FAM118A: variants seen among roughly 807,000 people sequenced by gnomAD.
FAM118A encodes SIR2 antiphage like 2.
FAM118A carries 25 observed loss-of-function variants against 38.2 expected under a neutral mutation model. The ratio of observed to expected loss-of-function variants is 0.65; its 90% CI spans 0.48 to 0.91. FAM118A has a LOEUF of 0.91. Among genes scored for constraint, FAM118A ranks in the 40% least tolerant of loss-of-function variants. The pLI, the probability that FAM118A is intolerant of heterozygous loss-of-function variation, is 0.00. For missense variants in FAM118A, 425 were observed against 463.3 expected, an observed-to-expected ratio of 0.92 and a Z score of 0.76; for synonymous variants, 178 against 184.1, an observed-to-expected ratio of 0.97 and a Z score of 0.27.
At chr22:45,315,822 C>T (rs916500763) in intron 1 of FAM118A, among the ~76,000 whole-genome samples, 2 of 152,080 alleles carry the variant, frequency 1.3e-5, no homozygotes, top group Admixed American at 6.6e-5. Flanking sequence ...GCACCTTAGT[C>T]CTAATGCTGC....
Position 45,340,677 on chromosome 22 carries a change from G to T in FAM118A, c.*272G>T. The T allele has an allele frequency of 1.9e-6, 1 of 523,014 alleles. No individual in the cohort carries two copies. Among genetic ancestry groups the T allele is most frequent in the Non-Finnish European group, 3.4e-6 (1 of 296,450 alleles). The allele number at this position is 523,014 out of a possible 1,614,324, so 32.4% of individuals were successfully genotyped here. Reference sequence around the variant, plus strand: ...TCAGGGACCAGAATCCGTGGGAAGGGATGGACCTGGTGTTCCCGTTCCCAT... The same window carrying T: ...TCAGGGACCAGAATCCGTGGGAAGGTATGGACCTGGTGTTCCCGTTCCCAT... On this transcript the variant is annotated 3_prime_UTR_variant, in exon 9 of 9. Coordinates refer to ENST00000441876, the MANE Select transcript of FAM118A (RefSeq NM_017911.4).
intron 5 of FAM118A, 75 bp downstream of exon 5, chr22:45,330,806 G>A: frequency 2.1e-6 from 3 of 1,412,190 alleles, no homozygotes; most frequent in Non-Finnish European, 2.8e-6. Flanking sequence ...GGCTGCAGTT[G>A]AGTGGCTTCC....
In FAM118A at chr22:45,332,631, A is replaced by G. The variant is rs2085802635; in HGVS notation, c.858A>G (p.Val286=). ...TGCTTCTGCACGGAATCAAAGTTGT[A>G]TCCTACGGGGACTGTTTTGACCACT... ...ADMLLHGIKV[V]SYGDCFDHFP... The change falls in exon 6 of 9, where the codon GTA becomes GTG. Residue 286 remains valine, a synonymous_variant. Coordinates refer to ENST00000441876, the MANE Select transcript of FAM118A (RefSeq NM_017911.4). 6.2e-7 allele frequency: 1 copy of G among 1,614,098 alleles called. No homozygotes were observed. Among genetic ancestry groups the G allele is most frequent in the Non-Finnish European group, 8.5e-7 (1 of 1,180,048 alleles).
chr22:45,337,166 G>A (rs550239939), intron 8 of FAM118A, among the ~76,000 whole-genome samples: 1 of 152,226 alleles, frequency 6.6e-6, no homozygotes, highest in Admixed American at 6.5e-5. Flanking sequence ...CCCCACATGC[G>A]TATCCCACCC....
At chr22:45,324,742 G>A (rs372586172) in intron 3 of FAM118A, among the ~76,000 whole-genome samples, 1 of 152,152 alleles carries the variant, frequency 6.6e-6, no homozygotes, top group Non-Finnish European at 1.5e-5. Context: ...GGCCCACAAG[G>A]CCTAAAATAC....
chr22:45,327,622 C>T (rs1419192949), intron 3 of FAM118A, among the ~76,000 whole-genome samples: 1 of 152,218 alleles, frequency 6.6e-6, no homozygotes, highest in Non-Finnish European at 1.5e-5. Flanking sequence ...ACAGCGCCTG[C>T]CCCCGTCTCT....
At position 45,332,593 on chromosome 22, in the gene FAM118A, C is replaced by T. The variant is rs568961511; in HGVS notation, c.820C>T (p.His274Tyr). ...GGAGAATGAAGACCATTTCTTTAAGCATCAGGCAGATATGCTTCTGCACGG... is the reference window on the plus strand; with the variant it reads ...GGAGAATGAAGACCATTTCTTTAAGTATCAGGCAGATATGCTTCTGCACGG... The part of the protein sequence containing the change: ...LKENEDHFFK[H>Y]QADMLLHGIK... Residue 274 changes from histidine to tyrosine, a missense_variant, in exon 6 of 9, where the codon CAT becomes TAT. Coordinates refer to ENST00000441876, the MANE Select transcript of FAM118A (RefSeq NM_017911.4). 1.2e-6 allele frequency: 2 copies of T among 1,614,172 alleles called. No individual in the cohort carries two copies. Among genetic ancestry groups the T allele is most frequent in the African/African-American group, 1.3e-5 (1 of 75,032 alleles).
In FAM118A at chr22:45,322,365, CTT is replaced by C; in HGVS notation, c.-9-4_-9-3del. 1 of 1,606,922 alleles carries C rather than the reference CTT, an allele frequency of 6.2e-7. No individual in the cohort carries two copies. On this transcript the variant is annotated splice_region_variant and splice_polypyrimidine_tract_variant and intron_variant, in intron 1 of 8. Coordinates refer to ENST00000441876, the MANE Select transcript of FAM118A (RefSeq NM_017911.4). ...GAAGTCACTTCTGACTAATTTTTCT[CTT>C]TAGAATTCACAGATGGATTCAGTGG...
At chr22:45,333,518 C>CA (rs1280195497) in intron 6 of FAM118A, among the ~76,000 whole-genome samples, 3 of 151,764 alleles carry the variant, frequency 2.0e-5, no homozygotes, top group Admixed American at 2.0e-4. Context: ...ACTAAAAATA[C>CA]AAAAAATTAG....
chr22:45,326,824 CAAA>C (rs36188767), intron 3 of FAM118A, among the ~76,000 whole-genome samples: 60 of 40,472 alleles, frequency 1.5e-3, no homozygotes, highest in African/African-American at 5.8e-3. Context: ...GACTCTGTCT[CAAA>C]AAAAAAAAAA....
Position 45,323,189 on chromosome 22 carries a change from G to C in FAM118A, c.62G>C (p.Ser21Thr). 1 of 1,609,936 alleles carries C rather than the reference G, an allele frequency of 6.2e-7. No homozygotes were observed. Among genetic ancestry groups the C allele is most frequent in the Non-Finnish European group, 8.5e-7 (1 of 1,176,574 alleles). The change falls in exon 3 of 9, where the codon AGC becomes ACC. Residue 21 changes from serine to threonine, a missense_variant. Transcript: ENST00000441876. ...TTTTCAAGTAGAAAGTTTTTAAAAAGCCTCATCCGGAAACAGCCCCAGGAA... is the reference window on the plus strand; with the variant it reads ...TTTTCAAGTAGAAAGTTTTTAAAAACCCTCATCCGGAAACAGCCCCAGGAA... ...SEQKSRKFLK[S>T]LIRKQPQELL...
At chr22:45,337,607 TA>T (rs796219430) in intron 8 of FAM118A, among the ~76,000 whole-genome samples, 4 of 152,086 alleles carry the variant, frequency 2.6e-5, no homozygotes, top group Non-Finnish European at 4.4e-5. Context: ...AATTTTTTTT[TA>T]AAAAAAGTAT....
At chr22:45,327,804 G>A (rs1321347689) in intron 3 of FAM118A, 38 bp from the exon 4 acceptor site, 1 of 1,604,110 alleles carries the variant, frequency 6.2e-7, no homozygotes, top group African/African-American at 1.3e-5. Flanking sequence ...GTTGTTAAGA[G>A]CTGATGTTTT....
At chr22:45,330,792 C>T (rs2085652537) in intron 5 of FAM118A, 61 bp downstream of exon 5, 2 of 1,443,432 alleles carry the variant, frequency 1.4e-6, no homozygotes, top group Admixed American at 2.7e-5. Flanking sequence ...GGCCACTGGC[C>T]ATTGGCTGCA....
chr22:45,324,892 C>T (rs1047683719), intron 3 of FAM118A, among the ~76,000 whole-genome samples: 1 of 152,162 alleles, frequency 6.6e-6, no homozygotes, highest in African/African-American at 2.4e-5. Context: ...ACTAAAAATA[C>T]AAAAATTAAC....
intron 1 of FAM118A, among the ~76,000 whole-genome samples, chr22:45,311,772 C>T (rs1227216922): frequency 1.3e-5 from 2 of 151,968 alleles, no homozygotes; most frequent in African/African-American, 2.4e-5. Context: ...TGGACCAAGG[C>T]GGTGGTAGTG....
chr22:45,341,441 C>A lies in FAM118A; in HGVS notation c.*1036C>A, dbSNP rs1461066545. On this transcript the variant is annotated 3_prime_UTR_variant, in exon 9 of 9. Transcript: ENST00000441876. Reference sequence around the variant, plus strand: ...GGTTTCAAACATTATAAGTTCCAGGCTTTGCAAGTCTTTATTCTCTGGGGT... The same window carrying A: ...GGTTTCAAACATTATAAGTTCCAGGATTTGCAAGTCTTTATTCTCTGGGGT... The A allele has an allele frequency of 6.6e-6, 1 of 152,220 alleles. No homozygotes were observed. The highest frequency in any genetic ancestry group is 1.5e-5 in the Non-Finnish European group (1 of 68,046). The allele number at this position is 152,220 out of a possible 1,614,324, so 9.4% of individuals were successfully genotyped here.
chr22:45,313,319 G>GTTT (rs11322212), intron 1 of FAM118A, among the ~76,000 whole-genome samples: 8 of 112,676 alleles, frequency 7.1e-5, no homozygotes, highest in South Asian at 2.8e-4. Context: ...TGTCGTGAGG[G>GTTT]TTTTTTTTTT....
intron 4 of FAM118A, chr22:45,329,005 C>T (rs1352749663): frequency 6.5e-6 from 1 of 153,572 alleles, no homozygotes; most frequent in East Asian, 1.9e-4. Context: ...TTTAAATGAC[C>T]AGATTTCTCA....
Sources: gnomAD v4.1 joint callset for allele counts (sites outside exome capture counted in the v4.1 genomes callset) on GRCh38, gnomAD v4.1.1 for gene constraint, MANE v1.5 for transcripts, NCBI Gene and HGNC (gene_info 2026-07-23, HGNC 2026-07-21) for gene names.